The following CCDC3 variants were observed in gnomAD, a reference collection of about 807,000 sequenced individuals.
CCDC3 encodes the protein coiled-coil domain-containing protein 3.
Under a neutral mutation model 21.4 loss-of-function variants are expected in CCDC3, and 24 were observed. The ratio of observed to expected loss-of-function variants is 1.12; its 90% CI spans 0.81 to 1.58. The LOEUF (loss-of-function observed/expected upper bound fraction) is 1.58. Ranked by LOEUF, CCDC3 falls within the 40% of genes most tolerant of loss-of-function variation. The probability of loss-of-function intolerance (pLI) is 0.00; values close to 1 mark genes in which losing one functional copy is unlikely to be tolerated. For synonymous variants in CCDC3, 186 were observed against 166.0 expected (o/e 1.12, Z -0.93); for missense variants, 425 against 360.9 (o/e 1.18, Z -1.44).
At chr10:13,058,804 G>C (rs151011550) in intron 4 of CCDC3, 495 of 193,202 alleles carry the variant, frequency 2.6e-3, no homozygotes, top group African/African-American at 0.011. Context: ...GGAGGTGGAT[G>C]ATGAGGGAAG....
At chr10:12,969,669 A>T (rs974842950) in intron 2 of CCDC3, among the ~76,000 whole-genome samples, 4 of 149,860 alleles carry the variant, frequency 2.7e-5, no homozygotes, top group African/African-American at 7.3e-5. Context: ...ATTCATTCTT[A>T]AAAAAATTTT....
chr10:12,902,213 TC>T (rs1452868978), intron 2 of CCDC3, among the ~76,000 whole-genome samples: 1 of 152,218 alleles, frequency 6.6e-6, no homozygotes, highest in Non-Finnish European at 1.5e-5. Context: ...AGTGGAATGT[TC>T]CAATAATACC....
At position 12,898,514 on chromosome 10, in the gene CCDC3, C is replaced by T; in HGVS notation, c.715G>A (p.Glu239Lys). The T allele has an allele frequency of 1.2e-6, 2 of 1,614,142 alleles. No homozygotes were observed. Among genetic ancestry groups the T allele is most frequent in the African/African-American group, 1.3e-5 (1 of 75,038 alleles). Reference sequence around the variant, plus strand: ...TCACTGAGTTTCTGGTTCGCCAGCTCCAGGTGGCGGCCCTTCTTACGCGCC... The same window carrying T: ...TCACTGAGTTTCTGGTTCGCCAGCTTCAGGTGGCGGCCCTTCTTACGCGCC... ...RQARKKGRHL[E>K]LANQKLSEKL... is the part of the protein sequence containing the mutation. Residue 239 changes from glutamate (E) to lysine (K), a missense_variant, in exon 3 of 3, where the codon GAG becomes AAG. Physicochemically the swap from Glu to Lys is moderately conservative, Grantham distance 56. Coordinates refer to ENST00000378825, the MANE Select transcript of CCDC3 (RefSeq NM_031455.4).
At chr10:12,986,217 C>T (rs1156423293) in intron 2 of CCDC3, among the ~76,000 whole-genome samples, 1 of 152,090 alleles carries the variant, frequency 6.6e-6, no homozygotes, top group African/African-American at 2.4e-5. Flanking sequence ...GTACATTTTA[C>T]AGTAAGATAC....
At chr10:12,997,403 C>T (rs1033481961) in intron 2 of CCDC3, among the ~76,000 whole-genome samples, 4 of 152,228 alleles carry the variant, frequency 2.6e-5, no homozygotes, top group Admixed American at 6.5e-5. Context: ...ATCATCCCAA[C>T]TTGGTTGTGG....
At chr10:12,944,124 G>C (rs73574000) in intron 2 of CCDC3, among the ~76,000 whole-genome samples, 19,560 of 152,122 alleles carry the variant, frequency 0.13, 1,361 homozygotes, top group African/African-American at 0.19. Flanking sequence ...AGGCCCTGAA[G>C]GAAATTATTT....
chr10:12,943,775 A>C (rs1049053971), intron 2 of CCDC3, among the ~76,000 whole-genome samples: 7 of 152,176 alleles, frequency 4.6e-5, no homozygotes, highest in African/African-American at 7.2e-5. Flanking sequence ...TTCGCCACAG[A>C]TGAGACGACC....
At chr10:13,074,089 A>C (rs1836920042) in exon 4 of CCDC3, 1 of 150,170 alleles carries the variant, frequency 6.7e-6, no homozygotes, top group Non-Finnish European at 1.5e-5. Context: ...TTGAAATTCA[A>C]GTCACCTGTT....
chr10:13,050,419 G>C (rs1388494398), intron 4 of CCDC3, among the ~76,000 whole-genome samples: 1 of 150,934 alleles, frequency 6.6e-6, no homozygotes, highest in Non-Finnish European at 1.5e-5. Context: ...CCTAGGCTTA[G>C]AGAAAACTGG....
At chr10:12,964,722 T>C (rs10906269) in intron 2 of CCDC3, among the ~76,000 whole-genome samples, 131,205 of 152,094 alleles carry the variant, frequency 0.86, 57,764 homozygotes, top group East Asian at 1. Flanking sequence ...AACAATGTAA[T>C]TGACTCCACT....
At chr10:12,965,985 T>C (rs912761860) in intron 2 of CCDC3, among the ~76,000 whole-genome samples, 10 of 152,154 alleles carry the variant, frequency 6.6e-5, no homozygotes, top group African/African-American at 2.4e-4. Flanking sequence ...TCATTAAGTT[T>C]CTCCAGCACA....
chr10:12,937,992 T>TCGTCCAAATTCCCCTC (rs1554755179), intron 2 of CCDC3, among the ~76,000 whole-genome samples: 1 of 151,918 alleles, frequency 6.6e-6, no homozygotes, highest in African/African-American at 2.4e-5. Flanking sequence ...CAACCCAGCA[T>TCGTCCAAATTCCCCTC]CCTCCAAAAT....
intron 2 of CCDC3, among the ~76,000 whole-genome samples, chr10:12,939,259 T>TTCCA (rs1380883154): frequency 6.6e-6 from 1 of 152,236 alleles, no homozygotes; most frequent in Non-Finnish European, 1.5e-5. Context: ...TACTCCCGTG[T>TTCCA]TCCAACTTCT....
chr10:13,004,595 T>A (rs1025063717), upstream of CCDC3, among the ~76,000 whole-genome samples: 2 of 118,130 alleles, frequency 1.7e-5, no homozygotes, highest in African/African-American at 6.6e-5. Flanking sequence ...AAAGGTCCGA[T>A]GGAATCAACC....
chr10:12,945,415 G>A (rs969309657), intron 2 of CCDC3, among the ~76,000 whole-genome samples: 1 of 150,966 alleles, frequency 6.6e-6, no homozygotes, highest in Middle Eastern at 3.4e-3. Context: ...AAAAAGTATA[G>A]GGAAAAAAAA....
intron 5 of CCDC3, among the ~76,000 whole-genome samples, chr10:13,021,057 G>A (rs1016710041): frequency 1.3e-5 from 2 of 152,088 alleles, no homozygotes; most frequent in Non-Finnish European, 2.9e-5. Flanking sequence ...CACTAAAAAT[G>A]CTCTTGTCAT....
At chr10:13,080,299 A>C (rs1054668779) in intron 3 of CCDC3, among the ~76,000 whole-genome samples, 8 of 152,230 alleles carry the variant, frequency 5.3e-5, no homozygotes, top group Admixed American at 2.0e-4. Context: ...ACAGAAGGTA[A>C]GACTAGGAAG....
intron 2 of CCDC3, among the ~76,000 whole-genome samples, chr10:12,931,099 T>C (rs73586032): frequency 0.013 from 1,949 of 149,812 alleles, 48 homozygotes; most frequent in African/African-American, 0.045. Flanking sequence ...TAATCCCAGC[T>C]ACCTGGGAGG....
chr10:13,091,605 T>C (rs1832571044), intron 3 of CCDC3, among the ~76,000 whole-genome samples: 1 of 152,162 alleles, frequency 6.6e-6, no homozygotes, highest in African/African-American at 2.4e-5. Flanking sequence ...CTACCCTCCA[T>C]TCAGTCGCCC....
Sources: allele counts gnomAD v4.1 joint callset (sites outside exome capture counted in the v4.1 genomes callset), GRCh38; gene constraint gnomAD v4.1.1; transcripts MANE v1.5; gene names NCBI Gene and HGNC (gene_info 2026-07-23, HGNC 2026-07-21).